RDH13: variants seen among roughly 807,000 people sequenced by gnomAD.
The protein encoded by RDH13 is retinol dehydrogenase 13 (all-trans and 9-cis).
In RDH13, 35 loss-of-function variants were observed where a neutral mutation model predicts 28.3. The observed-to-expected ratio is 1.24, with a 90% CI of 0.95 to 1.64. The LOEUF is 1.64. Among genes scored for constraint, RDH13 ranks in the 40% most tolerant of loss-of-function variants. The probability of loss-of-function intolerance (pLI) is 0.00; values close to 1 mark genes in which losing one functional copy is unlikely to be tolerated. For missense variants in RDH13, 514 were observed against 446.3 expected, an observed-to-expected ratio of 1.15 and a Z score of -1.37; for synonymous variants, 229 against 198.5, an observed-to-expected ratio of 1.15 and a Z score of -1.29.
In RDH13 at chr19:55,044,596, G is replaced by A. The variant is rs552123567; in HGVS notation, c.*478C>T. On this transcript the variant is annotated 3_prime_UTR_variant, in exon 7 of 7. Coordinates refer to ENST00000415061, the MANE Select transcript of RDH13 (RefSeq NM_001145971.2). The stretch of plus-strand genomic sequence containing the variant: ...CTCGCTGTACCACACCATCATGGGA[G>A]ACAGCAGTTATTCTGAGCATCTCAC... The A allele has an allele frequency of 8.9e-5, 14 of 157,902 alleles. No individual in the cohort carries two copies. The highest frequency in any genetic ancestry group is 2.4e-4 in the African/African-American group (10 of 41,788). 9.8% of individuals were successfully genotyped at this position (157,902 alleles called of 1,614,324 possible). A position where few individuals can be genotyped will look rare whatever the true frequency, so the allele number is the denominator to read the frequency against.
chr19:55,059,166 C>T lies in RDH13; in HGVS notation c.175G>A (p.Ala59Thr), dbSNP rs764452687. Residue 59 changes from alanine (A) to threonine (T), a missense_variant, in exon 2 of 7, where the codon GCC (alanine) becomes ACC (threonine). By Grantham distance (58) the Ala-to-Thr change is moderately conservative. Coordinates refer to ENST00000415061, the MANE Select transcript of RDH13 (RefSeq NM_001145971.2). Reference protein sequence around the residue: ...GIGKQTALELARRGGNIILAC... With the variant: ...GIGKQTALELTRRGGNIILAC... ...GCAGGGGAGATTTTACCTCTCCTGG[C>T]CAGTTCCAAGGCGGTCTGCTTCCCG... 6.3e-7 allele frequency: 1 copy of T among 1,589,142 alleles called. No homozygotes were observed. The highest frequency in any genetic ancestry group is 1.3e-5 in the African/African-American group (1 of 74,588).
rs551150165 is a variant in RDH13 at position 55,056,864 on chromosome 19, C to A, written c.185-56G>T. 4.0e-5 allele frequency: 58 copies of A among 1,445,590 alleles called. No homozygotes were observed. The African/African-American group carries it at 7.5e-4, about 19-fold the overall frequency. 89.5% of individuals were successfully genotyped at this position (1,445,590 alleles called of 1,614,324 possible). A position where few individuals can be genotyped will look rare whatever the true frequency, so the allele number is the denominator to read the frequency against. ...TTAATAATCCACTCCTGGGTACTGACCCCAGAGACATGAAAACATACGTCT... is the reference window on the plus strand; with the variant it reads ...TTAATAATCCACTCCTGGGTACTGAACCCAGAGACATGAAAACATACGTCT... On this transcript the variant is annotated intron_variant, in intron 2 of 6. Transcript: ENST00000415061.
chr19:55,057,726 G>A lies in RDH13; in HGVS notation c.185-918C>T, dbSNP rs371963910. On this transcript the variant is annotated intron_variant, in intron 2 of 6. Coordinates refer to ENST00000415061, the MANE Select transcript of RDH13 (RefSeq NM_001145971.2). ...ACTGGGATTACAAATAAGCCACAAT[G>A]CCCAGCCTCCAATTTTTTTTGTTGT... Among the ~76,000 whole-genome samples, 3 of 151,860 alleles carry A rather than the reference G, an allele frequency of 2.0e-5. No individual in the cohort carries two copies. The East Asian group carries it at 5.8e-4, about 29-fold the overall frequency.
At chr19:55,064,453 C>A (rs2075906986), upstream of RDH13, 1 of 151,564 alleles carries the variant, frequency 6.6e-6, no homozygotes, top group Non-Finnish European at 1.5e-5. Flanking sequence ...AGACCTTAAG[C>A]TCTCACCATC....
upstream of RDH13, chr19:55,063,191 G>A (rs2075867466): frequency 3.6e-6 from 2 of 555,476 alleles, no homozygotes; most frequent in South Asian, 4.7e-5. Flanking sequence ...TGCGAGGGGC[G>A]GGGCGCGGGC....
intron 3 of RDH13, among the ~76,000 whole-genome samples, chr19:55,056,046 C>G (rs1347932359): frequency 6.6e-6 from 1 of 151,850 alleles, no homozygotes; most frequent in Non-Finnish European, 1.5e-5. Flanking sequence ...CCCAGCTACT[C>G]AGGAGGCTGA....
intron 1 of RDH13, among the ~76,000 whole-genome samples, chr19:55,060,533 CAG>C: frequency 6.6e-6 from 1 of 152,330 alleles, no homozygotes. Context: ...TGAGGGAACT[CAG>C]AGGCCGGTGC....
rs1004923920 is a variant in RDH13 at position 55,061,978 on chromosome 19, G to A, written c.65+990C>T. On this transcript the variant is annotated intron_variant, in intron 1 of 6. Coordinates refer to ENST00000415061, the MANE Select transcript of RDH13 (RefSeq NM_001145971.2). Reference sequence around the variant, plus strand: ...ACTAAAAATACAAAATTAGACAGGCGTGGTGGCACATGCCTGTAATCCCAG... The same window carrying A: ...ACTAAAAATACAAAATTAGACAGGCATGGTGGCACATGCCTGTAATCCCAG... 6.4e-4 allele frequency among the ~76,000 whole-genome samples: 98 copies of A among 152,100 alleles called. 2 individuals are homozygous for A. The highest frequency in any genetic ancestry group is 2.1e-3 in the African/African-American group (89 of 41,508).
intron 1 of RDH13, among the ~76,000 whole-genome samples, chr19:55,061,898 C>G (rs1357642816): frequency 2.0e-5 from 3 of 152,016 alleles, no homozygotes; most frequent in African/African-American, 7.2e-5. Flanking sequence ...TGGCCAGATC[C>G]CCTTTGGTCG....
intron 5 of RDH13, chr19:55,047,945 C>G: frequency 2.4e-6 from 2 of 837,882 alleles, no homozygotes; most frequent in South Asian, 3.6e-5. Flanking sequence ...GGGCCTTTAC[C>G]CTCCAGATGC....
rs769504840 is a variant in RDH13, at chr19:55,045,126, C to A, written c.944G>T (p.Arg315Leu). Reference protein sequence around the residue: ...VARRLWAESARLVGLEAPSVR... With the variant: ...VARRLWAESALLVGLEAPSVR... ...AGAGGGAGCCTCTAAGCCCACCAGG[C>A]GGGCACTTTCAGCCCAAAGCCTCCG... Residue 315 changes from arginine (R) to leucine (L), a missense_variant, in exon 7 of 7, where the codon CGC becomes CTC. Physicochemically the swap from Arg to Leu is moderately radical, Grantham distance 102. Coordinates refer to ENST00000415061, the MANE Select transcript of RDH13 (RefSeq NM_001145971.2). 1.2e-6 allele frequency: 2 copies of A among 1,613,370 alleles called. No homozygotes were observed. Among genetic ancestry groups the A allele is most frequent in the South Asian group, 1.1e-5 (1 of 91,030 alleles).
upstream of RDH13, among the ~76,000 whole-genome samples, chr19:55,065,480 C>T (rs537531039): frequency 6.6e-6 from 1 of 151,474 alleles, no homozygotes; most frequent in South Asian, 2.1e-4. Flanking sequence ...ACTGTTTTTC[C>T]CTGTCTTTTT....
intron 3 of RDH13, among the ~76,000 whole-genome samples, chr19:55,052,475 T>C (rs1568705997): frequency 6.9e-6 from 1 of 143,922 alleles, no homozygotes; most frequent in Non-Finnish European, 1.5e-5. Flanking sequence ...ACCCAGGAGG[T>C]GGAGGATGCC....
chr19:55,062,117 C>CAA (rs34652854), intron 1 of RDH13, among the ~76,000 whole-genome samples: 8 of 147,438 alleles, frequency 5.4e-5, no homozygotes, highest in South Asian at 2.2e-4. Context: ...AACTCTGTCT[C>CAA]AAAAAAAAAA....
At chr19:55,055,245 T>C (rs1263066979) in intron 3 of RDH13, among the ~76,000 whole-genome samples, 7 of 152,006 alleles carry the variant, frequency 4.6e-5, no homozygotes, top group African/African-American at 1.7e-4. Flanking sequence ...CTCCGCCTCC[T>C]GGGTTCAAGC....
intron 5 of RDH13, 122 bp downstream of exon 5, chr19:55,048,207 C>A (rs773349787): frequency 1.0e-5 from 16 of 1,546,238 alleles, no homozygotes; most frequent in Middle Eastern, 1.7e-4. Context: ...GGTCCACATG[C>A]TCTACTTTTG....
chr19:55,064,221 T>A (rs935976358), upstream of RDH13: 1 of 151,988 alleles, frequency 6.6e-6, no homozygotes, highest in Non-Finnish European at 1.5e-5. Context: ...AGGAGATTGA[T>A]ACCAGCCTGG....
upstream of RDH13, among the ~76,000 whole-genome samples, chr19:55,064,817 T>G (rs1388590202): frequency 6.7e-6 from 1 of 150,146 alleles, no homozygotes; most frequent in Non-Finnish European, 1.5e-5. Flanking sequence ...TTCACCATGT[T>G]GGCCAGGTTG....
rs1228617969 is a variant in RDH13 at position 55,044,910 on chromosome 19, G to A, written c.*164C>T. 1 of 599,460 alleles carries A rather than the reference G, an allele frequency of 1.7e-6. No individual in the cohort carries two copies. 37.1% of individuals were successfully genotyped at this position (599,460 alleles called of 1,614,324 possible). A position where few individuals can be genotyped will look rare whatever the true frequency, so the allele number is the denominator to read the frequency against. On this transcript the variant is annotated 3_prime_UTR_variant, in exon 7 of 7. Transcript: ENST00000415061. ...GAGCCCAGGGCAGTGCTCACCTGCA[G>A]GCCAGTCCACTGCGGCCAGCACCGC...
Sources: allele counts gnomAD v4.1 joint callset (sites outside exome capture counted in the v4.1 genomes callset), GRCh38; gene constraint gnomAD v4.1.1; transcripts MANE v1.5; gene names NCBI Gene and HGNC (gene_info 2026-07-23, HGNC 2026-07-21).